GLIPR1L2: variants seen among roughly 807,000 people sequenced by gnomAD.
GLIPR1L2 encodes the protein GLIPR1-like protein 2.
GLIPR1L2 carries 21 observed loss-of-function variants against 28.4 expected under a neutral mutation model. The ratio of observed to expected loss-of-function variants is 0.74; its 90% confidence interval spans 0.52 to 1.06. GLIPR1L2 has a LOEUF of 1.06. Ranked by LOEUF, GLIPR1L2 falls within the 50% of genes least tolerant of loss-of-function variation. The probability of loss-of-function intolerance (pLI) is 0.00; values close to 1 mark genes in which losing one functional copy is unlikely to be tolerated. For missense variants in GLIPR1L2, 476 were observed against 416.9 expected, an observed-to-expected ratio of 1.14 and a Z score of -1.23; for synonymous variants, 145 against 139.3, an observed-to-expected ratio of 1.04 and a Z score of -0.29.
intron 1 of GLIPR1L2, chr12:75,391,595 A>G (rs923866412): frequency 7.5e-7 from 1 of 1,333,234 alleles, no homozygotes. Context: ...CCTGAAGTGC[A>G]GATTTTAAGG....
At chr12:75,405,203 TTAAAA>T (rs1050762097) in intron 1 of GLIPR1L2, among the ~76,000 whole-genome samples, 29 of 152,154 alleles carry the variant, frequency 1.9e-4, no homozygotes, top group African/African-American at 6.3e-4. Flanking sequence ...TAATTTTGTC[TTAAAA>T]TAAAATGACT....
chr12:75,412,613 G>T (rs540122612), intron 2 of GLIPR1L2, among the ~76,000 whole-genome samples: 1 of 151,514 alleles, frequency 6.6e-6, no homozygotes, highest in South Asian at 2.1e-4. Flanking sequence ...ATCACTGGCC[G>T]TCAGAGAAAT....
chr12:75,413,041 T>A (rs867600629), intron 2 of GLIPR1L2, among the ~76,000 whole-genome samples: 2 of 151,656 alleles, frequency 1.3e-5, no homozygotes, highest in Non-Finnish European at 2.9e-5. Context: ...TCATGTCCTT[T>A]GTAGGGACAT....
chr12:75,430,968 T>A lies in GLIPR1L2; in HGVS notation c.842T>A (p.Ile281Asn). 1 of 1,535,398 alleles carries A rather than the reference T, an allele frequency of 6.5e-7. No homozygotes were observed. Among genetic ancestry groups the A allele is most frequent in the Non-Finnish European group, 8.7e-7 (1 of 1,146,550 alleles). Residue 281 changes from isoleucine (I) to asparagine (N), a missense_variant, in exon 6 of 6, where the codon ATC becomes AAC. By Grantham distance (149) the Ile-to-Asn change is moderately radical. Coordinates refer to ENST00000550916, the MANE Select transcript of GLIPR1L2 (RefSeq NM_001270396.2). The stretch of plus-strand genomic sequence containing the variant: ...ATAGTACAGTCTCAGTTTCCAAATA[T>A]CTTGTTGGAACAACAAATGATATTT... Reference protein sequence around the residue: ...VLIVQSQFPNILLEQQMIFTP... With the variant: ...VLIVQSQFPNNLLEQQMIFTP...
At chr12:75,415,181 G>C (rs2045911846) in intron 3 of GLIPR1L2, among the ~76,000 whole-genome samples, 1 of 152,056 alleles carries the variant, frequency 6.6e-6, no homozygotes, top group Non-Finnish European at 1.5e-5. Flanking sequence ...TTAGATAACA[G>C]CTAGACCAAA....
chr12:75,423,502 A>G, intron 4 of GLIPR1L2: 1 of 785,060 alleles, frequency 1.3e-6, no homozygotes, highest in African/African-American at 1.9e-5. Flanking sequence ...AACTGTAGCT[A>G]AAATATACAA....
In GLIPR1L2 at chr12:75,409,565, G is replaced by GTGTATA. The variant is rs1555232633; in HGVS notation, c.235-868_235-867insGTATAT. Among the ~76,000 whole-genome samples the GTGTATA allele has an allele frequency of 2.9e-3, 415 of 143,384 alleles. 2 individuals carry two copies. Among genetic ancestry groups the GTGTATA allele is most frequent in the Middle Eastern group, 7.5e-3 (2 of 266 alleles). 94.1% of individuals were successfully genotyped at this position (143,384 alleles called of 152,430 possible). A position where few individuals can be genotyped will look rare whatever the true frequency, so the allele number is the denominator to read the frequency against. Reference sequence around the variant, plus strand: ...TAAAAGATTTTTTTTGGGTGTGTGTGTATATATATATATACACACACACAT... The same window carrying GTGTATA: ...TAAAAGATTTTTTTTGGGTGTGTGTGTGTATATATATATATATATACACACACACAT... On this transcript the variant is annotated intron_variant, in intron 1 of 5. Coordinates refer to ENST00000550916, the MANE Select transcript of GLIPR1L2 (RefSeq NM_001270396.2).
chr12:75,425,007 G>A (rs545263755), intron 4 of GLIPR1L2, among the ~76,000 whole-genome samples: 4 of 152,200 alleles, frequency 2.6e-5, no homozygotes, highest in South Asian at 2.1e-4. Flanking sequence ...CAGTGGGCAC[G>A]GAAAGGAAAC....
At chr12:75,394,900 A>G (rs11610755) in intron 1 of GLIPR1L2, among the ~76,000 whole-genome samples, 26,779 of 151,668 alleles carry the variant, frequency 0.18, 2,611 homozygotes, top group Admixed American at 0.24. Flanking sequence ...TCACTTTCTA[A>G]TATCCACCTT....
At chr12:75,417,770 A>G (rs1467752789) in intron 3 of GLIPR1L2, among the ~76,000 whole-genome samples, 1 of 132,256 alleles carries the variant, frequency 7.6e-6, no homozygotes, top group Non-Finnish European at 1.7e-5. Flanking sequence ...ATGTATCAGA[A>G]AAAAACTGAA....
chr12:75,428,525 TATA>T (rs1016830123), intron 4 of GLIPR1L2, among the ~76,000 whole-genome samples: 12 of 148,868 alleles, frequency 8.1e-5, no homozygotes, highest in African/African-American at 3.0e-4. Context: ...AAAATATATA[TATA>T]TTTTTTTTTC....
intron 2 of GLIPR1L2, among the ~76,000 whole-genome samples, chr12:75,412,213 A>G (rs1461861670): frequency 6.6e-6 from 1 of 151,932 alleles, no homozygotes; most frequent in African/African-American, 2.4e-5. Context: ...CTCTCTTCCA[A>G]TAACCTAGAA....
chr12:75,395,335 G>A (rs957320563), intron 1 of GLIPR1L2, among the ~76,000 whole-genome samples: 26 of 151,888 alleles, frequency 1.7e-4, no homozygotes, highest in African/African-American at 5.3e-4. Flanking sequence ...TGTTTTTAAT[G>A]TGCTGTTAAA....
intron 1 of GLIPR1L2, among the ~76,000 whole-genome samples, chr12:75,393,437 C>G (rs1178525213): frequency 1.3e-5 from 2 of 152,026 alleles, no homozygotes; most frequent in African/African-American, 4.8e-5. Flanking sequence ...CACCATTCTA[C>G]TTTCTATTCC....
rs573323017 is a variant in GLIPR1L2, at chr12:75,417,421, A to T, written c.584+3720A>T. Among the ~76,000 whole-genome samples, 107 of 152,280 alleles carry T rather than the reference A, an allele frequency of 7.0e-4. 1 individual carries two copies. The highest frequency in any genetic ancestry group is 2.3e-3 in the African/African-American group (95 of 41,574). ...ATTTTGGACTTTGGGCCTCCAGAACAGTGAGAGAATAAATTAATGTTGTTT... is the reference window on the plus strand; with the variant it reads ...ATTTTGGACTTTGGGCCTCCAGAACTGTGAGAGAATAAATTAATGTTGTTT... On this transcript the variant is annotated intron_variant, in intron 3 of 5. Coordinates refer to ENST00000550916, the MANE Select transcript of GLIPR1L2 (RefSeq NM_001270396.2).
At chr12:75,403,266 C>A (rs1167208428) in intron 1 of GLIPR1L2, 2 of 371,840 alleles carry the variant, frequency 5.4e-6, no homozygotes, top group Non-Finnish European at 1.0e-5. Flanking sequence ...TTTTAGATTT[C>A]TTTGTCTGAA....
rs543832472 is a variant in GLIPR1L2, at chr12:75,431,921, G to A, written c.*760G>A. 8.0e-4 allele frequency: 122 copies of A among 152,054 alleles called. 1 individual carries two copies. Among genetic ancestry groups the A allele is most frequent in the African/African-American group, 2.5e-3 (102 of 41,524 alleles). The allele number at this position is 152,054 out of a possible 1,614,324, so 9.4% of individuals were successfully genotyped here. A position where few individuals can be genotyped will look rare whatever the true frequency, so the allele number is the denominator to read the frequency against. On this transcript the variant is annotated 3_prime_UTR_variant, in exon 6 of 6. Transcript: ENST00000550916. Reference sequence around the variant, plus strand: ...TCAATAGGTATAGTAAAAGTTAACAGATTAATAAGATAACTGCTTACCACT... The same window carrying A: ...TCAATAGGTATAGTAAAAGTTAACAAATTAATAAGATAACTGCTTACCACT...
At chr12:75,398,539 A>G (rs1303246450) in intron 1 of GLIPR1L2, among the ~76,000 whole-genome samples, 1 of 152,092 alleles carries the variant, frequency 6.6e-6, no homozygotes, top group Non-Finnish European at 1.5e-5. Flanking sequence ...CTTGGATGCT[A>G]GGAGCACAGA....
chr12:75,420,282 C>G (rs1372501365), intron 3 of GLIPR1L2, among the ~76,000 whole-genome samples: 1 of 152,158 alleles, frequency 6.6e-6, no homozygotes, highest in Non-Finnish European at 1.5e-5. Context: ...CCTTGATGAA[C>G]AAGATGGTGG....
Sources: gnomAD v4.1 joint callset for allele counts (sites outside exome capture counted in the v4.1 genomes callset) on GRCh38, gnomAD v4.1.1 for gene constraint, MANE v1.5 for transcripts, NCBI Gene and HGNC (gene_info 2026-07-23, HGNC 2026-07-21) for gene names.